NFKB1: variants seen among roughly 807,000 people sequenced by gnomAD.
NFKB1 encodes nuclear factor kappa B subunit 1.
A neutral mutation model predicts 105.1 loss-of-function variants in NFKB1; 9 were observed. That is an observed-to-expected ratio of 0.09 (90% confidence interval 0.05 to 0.15). NFKB1 has a LOEUF of 0.15. Among genes scored for constraint, NFKB1 ranks in the 10% least tolerant of loss-of-function variants. The pLI is 1.00. For missense variants in NFKB1, 830 were observed against 1,203.7 expected, an observed-to-expected ratio of 0.69 and a Z score of 4.59; for synonymous variants, 440 against 442.2, an observed-to-expected ratio of 1.00 and a Z score of 0.06.
rs1004079117 is a variant in NFKB1, at chr4:102,507,008, T to C, written c.-8+5220T>C. Among the ~76,000 whole-genome samples, 3 of 148,714 alleles carry C rather than the reference T, an allele frequency of 2.0e-5. No individual in the cohort carries two copies. The South Asian group carries it at 6.3e-4, about 31-fold the overall frequency. ...TGTATATTAAATATAATGATATATG[T>C]ATAAATACATATTTGTAACTAATAT... On this transcript the variant is annotated intron_variant, in intron 1 of 23. Transcript: ENST00000226574.
chr4:102,503,897 TTAAG>T (rs552884363), intron 1 of NFKB1, among the ~76,000 whole-genome samples: 8 of 152,340 alleles, frequency 5.3e-5, no homozygotes, highest in South Asian at 4.1e-4. Context: ...AGATAATTGA[TTAAG>T]TAAGTTACTA....
chr4:102,552,906 T>C (rs1488321740), intron 5 of NFKB1, among the ~76,000 whole-genome samples: 1 of 152,174 alleles, frequency 6.6e-6, no homozygotes, highest in Non-Finnish European at 1.5e-5. Flanking sequence ...AATATTTTGG[T>C]TAACCTCAGT....
intron 9 of NFKB1, among the ~76,000 whole-genome samples, chr4:102,581,985 A>G (rs1437634922): frequency 6.6e-6 from 1 of 152,342 alleles, no homozygotes; most frequent in Non-Finnish European, 1.5e-5. Flanking sequence ...AACAAAGTCA[A>G]TAGTGTGGCC....
At chr4:102,518,676 C>T (rs1181827650) in intron 1 of NFKB1, among the ~76,000 whole-genome samples, 1 of 152,126 alleles carries the variant, frequency 6.6e-6, no homozygotes, top group Non-Finnish European at 1.5e-5. Context: ...TCTGGCCTGG[C>T]CTGCTTTGGC....
chr4:102,557,784 G>T (rs28566809), intron 5 of NFKB1, among the ~76,000 whole-genome samples: 4 of 152,058 alleles, frequency 2.6e-5, no homozygotes, highest in Non-Finnish European at 5.9e-5. Context: ...TTTGAGGGAA[G>T]AACTGCTGCC....
chr4:102,568,389 C>T (rs936496747), intron 6 of NFKB1, among the ~76,000 whole-genome samples: 12 of 152,044 alleles, frequency 7.9e-5, no homozygotes, highest in African/African-American at 2.7e-4. Context: ...GAAAGACTGG[C>T]GTGTCTCCTG....
rs1448559639 is a variant in NFKB1, at chr4:102,613,500, C to G, written c.2668C>G (p.Gln890Glu). The G allele has an allele frequency of 3.1e-6, 5 of 1,613,880 alleles. No homozygotes were observed. The African/African-American group carries it at 6.7e-5, about 22-fold the overall frequency. Residue 890 changes from glutamine (Q) to glutamate (E), a missense_variant, in exon 23 of 24, where the codon CAG becomes GAG. Physicochemically the swap from Gln to Glu is conservative, Grantham distance 29. Around this residue, in one of 8 missense-constraint regions of NFKB1, gnomAD observed 418 missense variants for 575.3 expected, o/e 0.73. Coordinates refer to ENST00000226574, the MANE Select transcript of NFKB1 (RefSeq NM_003998.4). The stretch of plus-strand genomic sequence containing the variant: ...CTACACCGAAGCAATTGAAGTGATC[C>G]AGGCAGCCTCCAGCCCAGTGAAGAC... ...MGYTEAIEVI[Q>E]AASSPVKTTS... is the part of the protein sequence containing the mutation.
At chr4:102,612,787 T>A (rs1286043868) in intron 22 of NFKB1, among the ~76,000 whole-genome samples, 181 bp downstream of exon 22, 1 of 152,180 alleles carries the variant, frequency 6.6e-6, no homozygotes, top group Non-Finnish European at 1.5e-5. Flanking sequence ...AATGCTGTTT[T>A]CAGATACCTT....
chr4:102,583,842 C>A (rs1367009946), intron 10 of NFKB1, among the ~76,000 whole-genome samples: 7 of 151,504 alleles, frequency 4.6e-5, no homozygotes, highest in Admixed American at 3.3e-4. Flanking sequence ...CAGTAAGTGG[C>A]CAGTTAAATT....
intron 6 of NFKB1, among the ~76,000 whole-genome samples, chr4:102,572,600 C>G (rs1446894823): frequency 6.6e-6 from 1 of 152,232 alleles, no homozygotes; most frequent in East Asian, 1.9e-4. Flanking sequence ...CTCTTCTCCA[C>G]AGCCGTGCCA....
intron 5 of NFKB1, among the ~76,000 whole-genome samples, chr4:102,556,903 T>C (rs1303457069): frequency 6.6e-6 from 1 of 152,162 alleles, no homozygotes; most frequent in Non-Finnish European, 1.5e-5. Flanking sequence ...AGGGGCTTTT[T>C]TTTAGAATAA....
Position 102,606,676 on chromosome 4 carries a change from C to T in NFKB1, c.1933C>T (p.Leu645Phe). 6.2e-7 allele frequency: 1 copy of T among 1,614,156 alleles called. No individual in the cohort carries two copies. The change falls in exon 17 of 24, where the codon CTT becomes TTT. Residue 645 changes from leucine (L) to phenylalanine (F), a missense_variant. Around this residue, in one of 8 missense-constraint regions of NFKB1, gnomAD observed 418 missense variants for 575.3 expected, o/e 0.73. Coordinates refer to ENST00000226574, the MANE Select transcript of NFKB1 (RefSeq NM_003998.4). ...LLKHKKAALL[L>F]DHPNGDGLNA... ...CAAGCACAAAAAGGCAGCACTACTTCTTGACCACCCCAACGGGGACGGTAA... is the reference window on the plus strand; with the variant it reads ...CAAGCACAAAAAGGCAGCACTACTTTTTGACCACCCCAACGGGGACGGTAA...
chr4:102,513,050 G>A (rs1739886312), intron 1 of NFKB1, among the ~76,000 whole-genome samples: 1 of 152,086 alleles, frequency 6.6e-6, no homozygotes, highest in South Asian at 2.1e-4. Flanking sequence ...TTCCAAAATG[G>A]TACTCAAGGC....
chr4:102,561,856 T>G (rs1376475961), intron 5 of NFKB1, among the ~76,000 whole-genome samples: 1 of 152,184 alleles, frequency 6.6e-6, no homozygotes, highest in African/African-American at 2.4e-5. Flanking sequence ...AGTAATCATT[T>G]AGTTACTGAA....
chr4:102,612,295 A>G, intron 21 of NFKB1, 139 bp from the exon 22 acceptor site: 2 of 963,712 alleles, frequency 2.1e-6, no homozygotes, highest in Non-Finnish European at 3.1e-6. Context: ...CCTTCTACTC[A>G]GCTGGGCTTT....
intron 5 of NFKB1, among the ~76,000 whole-genome samples, chr4:102,561,795 A>G (rs930883991): frequency 6.6e-6 from 1 of 152,194 alleles, no homozygotes; most frequent in African/African-American, 2.4e-5. Context: ...AGTAAGTTAG[A>G]AAGTATAGCT....
In NFKB1 at chr4:102,502,375, TGC is replaced by T. The variant is rs748607205; in HGVS notation, c.-8+602_-8+603del. Among the ~76,000 whole-genome samples, 30 of 83,680 alleles carry T rather than the reference TGC, an allele frequency of 3.6e-4. 1 individual carries two copies. Among genetic ancestry groups the T allele is most frequent in the African/African-American group, 7.6e-4 (15 of 19,830 alleles). 54.9% of individuals were successfully genotyped at this position (83,680 alleles called of 152,430 possible). ...TCTCTCTCCCCCCTCCCCCCCTCCG[TGC>T]GCGCGCGCGCGCGCACACACACACA... On this transcript the variant is annotated intron_variant, in intron 1 of 23. Coordinates refer to ENST00000226574, the MANE Select transcript of NFKB1 (RefSeq NM_003998.4).
At chr4:102,546,329 T>G (rs1378848399) in intron 5 of NFKB1, among the ~76,000 whole-genome samples, 1 of 152,068 alleles carries the variant, frequency 6.6e-6, no homozygotes, top group East Asian at 1.9e-4. Context: ...AGCTACAGTT[T>G]CCAGCATGTT....
chr4:102,529,683 G>A (rs1052846693), intron 2 of NFKB1, among the ~76,000 whole-genome samples, 153 bp from the exon 3 acceptor site: 1 of 152,100 alleles, frequency 6.6e-6, no homozygotes, highest in African/African-American at 2.4e-5. Context: ...GTCTCATGAA[G>A]ATCTTTTAAA....
Sources: allele counts gnomAD v4.1 joint callset (sites outside exome capture counted in the v4.1 genomes callset), GRCh38; gene constraint gnomAD v4.1.1; regional missense constraint gnomAD v4.1.1; transcripts MANE v1.5; gene names NCBI Gene and HGNC (gene_info 2026-07-23, HGNC 2026-07-21).